ACAD11: variants seen among roughly 807,000 people sequenced by gnomAD.
The protein encoded by ACAD11 is acyl-Coenzyme A dehydrogenase family, member 11.
ACAD11 carries 83 observed loss-of-function variants against 102.2 expected under a neutral mutation model. The ratio of observed to expected loss-of-function variants is 0.81; its 90% confidence interval spans 0.68 to 0.97. ACAD11 has a LOEUF of 0.97. ACAD11 is among the 50% of genes least tolerant of loss of function. The pLI is 0.00. For missense variants in ACAD11, 901 were observed against 951.7 expected, an observed-to-expected ratio of 0.95 and a Z score of 0.70; for synonymous variants, 324 against 319.8, an observed-to-expected ratio of 1.01 and a Z score of -0.14.
At chr3:132,588,008 G>C (rs928885189) in intron 13 of ACAD11, among the ~76,000 whole-genome samples, 6 of 151,976 alleles carry the variant, frequency 3.9e-5, no homozygotes, top group African/African-American at 1.4e-4. Context: ...CTCTCCTCTG[G>C]TTCCTCAGGA....
chr3:132,610,281 T>A (rs2107835238), intron 11 of ACAD11, among the ~76,000 whole-genome samples: 1 of 152,050 alleles, frequency 6.6e-6, no homozygotes. Context: ...GCAGGAAAGA[T>A]CTAAAATTGA....
intron 11 of ACAD11, among the ~76,000 whole-genome samples, chr3:132,618,054 G>GT (rs896063594): frequency 2.0e-5 from 3 of 151,998 alleles, no homozygotes; most frequent in East Asian, 1.9e-4. Context: ...CTATTCTGCT[G>GT]TTTTTTTCCA....
intron 13 of ACAD11, among the ~76,000 whole-genome samples, chr3:132,590,666 A>T (rs1357317579): frequency 6.6e-6 from 1 of 152,076 alleles, no homozygotes; most frequent in Non-Finnish European, 1.5e-5. Context: ...CCTCACCCGC[A>T]TCTGTTATTT....
At chr3:132,633,661 A>G (rs1024835455) in intron 5 of ACAD11, among the ~76,000 whole-genome samples, 2 of 152,112 alleles carry the variant, frequency 1.3e-5, no homozygotes, top group Non-Finnish European at 2.9e-5. Flanking sequence ...ACCAGCTCCT[A>G]CAAGGCTACA....
intron 13 of ACAD11, 73 bp downstream of exon 13, chr3:132,603,156 T>C (rs1938689139): frequency 4.9e-6 from 6 of 1,227,954 alleles, no homozygotes; most frequent in East Asian, 2.3e-5. Context: ...CTATGTATCA[T>C]AGCAATATTC....
At chr3:132,583,556 C>A (rs1194469377) in intron 13 of ACAD11, among the ~76,000 whole-genome samples, 1 of 152,136 alleles carries the variant, frequency 6.6e-6, no homozygotes, top group Non-Finnish European at 1.5e-5. Flanking sequence ...TCCTTCAGTT[C>A]TGCTCTGATC....
chr3:132,571,230 T>A (rs79385577), intron 17 of ACAD11, among the ~76,000 whole-genome samples: 2,048 of 152,212 alleles, frequency 0.013, 35 homozygotes, highest in African/African-American at 0.046. Flanking sequence ...GCTTTTTTTT[T>A]ATTTGTATTT....
intron 17 of ACAD11, among the ~76,000 whole-genome samples, chr3:132,574,952 A>C (rs573267089): frequency 6.6e-6 from 1 of 152,216 alleles, no homozygotes; most frequent in East Asian, 1.9e-4. Flanking sequence ...CTCCTGCCTC[A>C]GCCTCCCCAG....
At chr3:132,568,801 C>CAAAAAAAAAAAAAAAAAAA (rs755568917) in intron 17 of ACAD11, among the ~76,000 whole-genome samples, 21 of 68,678 alleles carry the variant, frequency 3.1e-4, no homozygotes, top group East Asian at 1.3e-3. Context: ...CATCCACAGG[C>CAAAAAAAAAAAAAAAAAAA]AAAAAAAAAA....
intron 8 of ACAD11, among the ~76,000 whole-genome samples, chr3:132,628,111 C>T (rs1236236563): frequency 6.6e-6 from 1 of 152,096 alleles, no homozygotes; most frequent in Non-Finnish European, 1.5e-5. Flanking sequence ...AACATTTACA[C>T]AATCAAGTGG....
chr3:132,613,839 C>T (rs550057555), intron 11 of ACAD11, among the ~76,000 whole-genome samples: 3 of 152,066 alleles, frequency 2.0e-5, no homozygotes. Flanking sequence ...GCGGAGGTTG[C>T]AGTGAGCCAA....
chr3:132,588,487 T>C (rs934991062), intron 13 of ACAD11, among the ~76,000 whole-genome samples: 28 of 152,166 alleles, frequency 1.8e-4, no homozygotes, highest in African/African-American at 6.3e-4. Context: ...TTCAAAATGA[T>C]CACATAAGCA....
chr3:132,612,197 T>C (rs1939184708), intron 11 of ACAD11, among the ~76,000 whole-genome samples: 1 of 152,082 alleles, frequency 6.6e-6, no homozygotes, highest in Non-Finnish European at 1.5e-5. Context: ...ACTGGATCCC[T>C]TCTTTACACC....
chr3:132,641,563 A>C (rs10935025), intron 4 of ACAD11, among the ~76,000 whole-genome samples: 3 of 92,520 alleles, frequency 3.2e-5, no homozygotes, highest in African/African-American at 1.6e-4. Flanking sequence ...ATGATGATGA[A>C]GAAGAAGAAG....
intron 16 of ACAD11, among the ~76,000 whole-genome samples, chr3:132,576,357 A>T (rs1044317182): frequency 1.3e-5 from 2 of 152,202 alleles, no homozygotes; most frequent in African/African-American, 4.8e-5. Context: ...GGCCTGGTGA[A>T]TGGATGGGAT....
chr3:132,611,701 A>G (rs1292659151), intron 11 of ACAD11, among the ~76,000 whole-genome samples: 1 of 152,006 alleles, frequency 6.6e-6, no homozygotes, highest in Non-Finnish European at 1.5e-5. Flanking sequence ...AGAACTACAA[A>G]CCACTGCTCA....
chr3:132,591,996 A>C (rs1435743014), intron 13 of ACAD11, among the ~76,000 whole-genome samples: 1 of 152,182 alleles, frequency 6.6e-6, no homozygotes, highest in African/African-American at 2.4e-5. Context: ...TAAGGCAAAT[A>C]ATTCTTTGAT....
intron 9 of ACAD11, among the ~76,000 whole-genome samples, chr3:132,621,851 T>C (rs1939618417): frequency 6.6e-6 from 1 of 151,766 alleles, no homozygotes; most frequent in South Asian, 2.1e-4. Context: ...TGGTGGCACA[T>C]GGCTATAGTC....
intron 13 of ACAD11, among the ~76,000 whole-genome samples, chr3:132,590,578 T>G (rs1463429999): frequency 1.3e-5 from 2 of 152,144 alleles, no homozygotes; most frequent in Non-Finnish European, 2.9e-5. Context: ...CTGGGGAATC[T>G]CCATACTGCT....
Sources: allele counts gnomAD v4.1 joint callset (sites outside exome capture counted in the v4.1 genomes callset), GRCh38; gene constraint gnomAD v4.1.1; transcripts MANE v1.5; gene names NCBI Gene and HGNC (gene_info 2026-07-23, HGNC 2026-07-21).